Variants in ANKRD44 observed in about 807,000 individuals in gnomAD.
ANKRD44 encodes serine/threonine-protein phosphatase 6 regulatory ankyrin repeat subunit B.
ANKRD44 carries 35 observed loss-of-function variants against 116.0 expected under a neutral mutation model. The observed-to-expected ratio is 0.30, with a 90% CI of 0.23 to 0.40. ANKRD44 has a LOEUF of 0.40. Ranked by LOEUF, ANKRD44 falls within the 10% of genes least tolerant of loss-of-function variation. ANKRD44 has a pLI of 1.00. For missense variants in ANKRD44, 1,014 were observed against 1,242.6 expected (o/e 0.82, Z 2.77); for synonymous variants, 435 against 461.8 (o/e 0.94, Z 0.74).
chr2:197,230,285 A>T (rs1173621928), intron 1 of ANKRD44, among the ~76,000 whole-genome samples: 1 of 152,152 alleles, frequency 6.6e-6, no homozygotes, highest in African/African-American at 2.4e-5. Flanking sequence ...GAATGTCACC[A>T]TTTGAACTGT....
intron 9 of ANKRD44, among the ~76,000 whole-genome samples, chr2:197,106,343 G>C (rs2078426721): frequency 6.6e-6 from 1 of 152,214 alleles, no homozygotes; most frequent in East Asian, 1.9e-4. Context: ...TACTTGAGAG[G>C]CTGAGGCAGG....
At chr2:197,020,953 C>G (rs1444509015) in intron 17 of ANKRD44, among the ~76,000 whole-genome samples, 1 of 152,086 alleles carries the variant, frequency 6.6e-6, no homozygotes, top group Non-Finnish European at 1.5e-5. Context: ...CCTCCCTCCC[C>G]CCATCCCACG....
chr2:197,125,789 G>C (rs367867134), intron 5 of ANKRD44, 48 bp downstream of exon 5: 2 of 1,580,084 alleles, frequency 1.3e-6, no homozygotes, highest in African/African-American at 1.3e-5. Context: ...ACTTGTGGCT[G>C]AAAGTCCTGG....
intron 16 of ANKRD44, among the ~76,000 whole-genome samples, chr2:197,056,542 T>G (rs1244511181): frequency 6.6e-6 from 1 of 152,170 alleles, no homozygotes; most frequent in Non-Finnish European, 1.5e-5. Context: ...TGTAGAAAAT[T>G]GATTTTTAGA....
intron 1 of ANKRD44, among the ~76,000 whole-genome samples, chr2:197,237,174 G>A (rs1223754604): frequency 6.6e-6 from 1 of 152,030 alleles, no homozygotes; most frequent in Non-Finnish European, 1.5e-5. Context: ...ATAGACCTTT[G>A]TTCTATAGAG....
At chr2:197,113,836 C>T (rs138619395) in intron 8 of ANKRD44, among the ~76,000 whole-genome samples, 262 of 152,248 alleles carry the variant, frequency 1.7e-3, no homozygotes, top group African/African-American at 5.8e-3. Context: ...CAGATCTTTG[C>T]CTGGGTTCAT....
chr2:197,287,785 C>T (rs989368266), intron 1 of ANKRD44, among the ~76,000 whole-genome samples: 6 of 151,816 alleles, frequency 4.0e-5, no homozygotes, highest in African/African-American at 9.7e-5. Flanking sequence ...TTTGGGAGGC[C>T]GAGGCGGGCA....
rs139764360 is a variant in ANKRD44, at chr2:196,975,809, A to AAAAG, written c.2369-8367_2369-8364dup. 3.6e-3 allele frequency among the ~76,000 whole-genome samples: 485 copies of AAAAG among 136,468 alleles called. 6 individuals are homozygous for AAAAG. The highest frequency in any genetic ancestry group is 0.014 in the South Asian group (62 of 4,400). 89.5% of individuals were successfully genotyped at this position (136,468 alleles called of 152,430 possible). A position where few individuals can be genotyped will look rare whatever the true frequency, so the allele number is the denominator to read the frequency against. On this transcript the variant is annotated intron_variant, in intron 21 of 21. Coordinates refer to the ANKRD44 transcript ENST00000424317. Reference sequence around the variant, plus strand: ...TCTCAAAAAAAAAAAAGAAAAAGAAAAAAGAAAGAAAGAAAGAAAGAAAGA... The same window carrying AAAAG: ...TCTCAAAAAAAAAAAAGAAAAAGAAAAAAGAAAGAAAGAAAGAAAGAAAGAAAGA...
intron 7 of ANKRD44, among the ~76,000 whole-genome samples, chr2:197,121,949 C>T (rs2078865424): frequency 6.6e-6 from 1 of 152,060 alleles, no homozygotes; most frequent in African/African-American, 2.4e-5. Flanking sequence ...GAAGTGGCTG[C>T]GGAGATGGCA....
chr2:196,975,984 T>C (rs2075757841), intron 21 of ANKRD44, among the ~76,000 whole-genome samples: 1 of 152,028 alleles, frequency 6.6e-6, no homozygotes, highest in Non-Finnish European at 1.5e-5. Flanking sequence ...TTATACACCA[T>C]GATCAAGTAG....
At chr2:197,042,671 A>C (rs559067048) in intron 16 of ANKRD44, among the ~76,000 whole-genome samples, 1 of 152,324 alleles carries the variant, frequency 6.6e-6, no homozygotes, top group Non-Finnish European at 1.5e-5. Flanking sequence ...ATGAATTTTA[A>C]GAAGTCTTAA....
intron 2 of ANKRD44, among the ~76,000 whole-genome samples, chr2:197,149,295 G>A (rs921898308): frequency 6.6e-6 from 1 of 152,094 alleles, no homozygotes; most frequent in Non-Finnish European, 1.5e-5. Flanking sequence ...TGAGATCTTG[G>A]CCTCAAATAA....
chr2:197,091,712 A>G (rs1165403786), intron 10 of ANKRD44, among the ~76,000 whole-genome samples: 1 of 152,224 alleles, frequency 6.6e-6, no homozygotes, highest in Admixed American at 6.5e-5. Context: ...TTATGTCCCA[A>G]GCACTTTGCT....
intron 1 of ANKRD44, among the ~76,000 whole-genome samples, chr2:197,260,544 C>T (rs1312956283): frequency 2.6e-5 from 4 of 152,108 alleles, no homozygotes; most frequent in Non-Finnish European, 2.9e-5. Context: ...TATAAACATA[C>T]GTGTGCATGT....
chr2:197,090,083 T>C, intron 10 of ANKRD44, 51 bp from the exon 11 acceptor site: 1 of 1,384,678 alleles, frequency 7.2e-7, no homozygotes, highest in Non-Finnish European at 1.0e-6. Flanking sequence ...TCAAGATACA[T>C]GCGGAAGGAC....
chr2:196,995,278 G>C (rs894094253), intron 26 of ANKRD44, 101 bp downstream of exon 26: 41 of 728,800 alleles, frequency 5.6e-5, no homozygotes, highest in Non-Finnish European at 8.8e-6. Context: ...TTTCACCACT[G>C]TGCTCCCCAG....
Position 197,310,708 on chromosome 2 carries a change from T to C in ANKRD44, c.-104A>G. ...GATTGCCAGGAGAAGGGAAAAAATC[T>C]GGCTCCCGAATTTGACAGCCCTCCC... is the stretch of plus-strand genomic sequence containing the variant. On this transcript the variant is annotated 5_prime_UTR_variant, in exon 1 of 28. Coordinates refer to ENST00000282272, the MANE Select transcript of ANKRD44 (RefSeq NM_001195144.2). The C allele has an allele frequency of 8.3e-7, 1 of 1,199,722 alleles. No homozygotes were observed. The highest frequency in any genetic ancestry group is 1.1e-6 in the Non-Finnish European group (1 of 934,600). 74.3% of individuals were successfully genotyped at this position (1,199,722 alleles called of 1,614,324 possible). A position where few individuals can be genotyped will look rare whatever the true frequency, so the allele number is the denominator to read the frequency against.
chr2:197,152,874 A>C (rs2079690829), intron 2 of ANKRD44, among the ~76,000 whole-genome samples: 1 of 152,168 alleles, frequency 6.6e-6, no homozygotes, highest in Non-Finnish European at 1.5e-5. Context: ...CTTACATACC[A>C]AGACAGAAAG....
At chr2:197,009,717 C>T (rs1353875225) in intron 18 of ANKRD44, among the ~76,000 whole-genome samples, 3 of 152,154 alleles carry the variant, frequency 2.0e-5, no homozygotes, top group Non-Finnish European at 2.9e-5. Context: ...CCATTGTTGC[C>T]GCTGGATCCC....
Sources: gnomAD v4.1 joint callset for allele counts (sites outside exome capture counted in the v4.1 genomes callset) on GRCh38, gnomAD v4.1.1 for gene constraint, MANE v1.5 for transcripts, NCBI Gene and HGNC (gene_info 2026-07-23, HGNC 2026-07-21) for gene names.